The following NRG1 variants were observed in gnomAD, a reference collection of about 807,000 sequenced individuals.
NRG1 encodes the protein pro-neuregulin-1, membrane-bound isoform.
In NRG1, 18 loss-of-function variants were observed where a neutral mutation model predicts 63.8. That is an observed-to-expected ratio of 0.28 (90% CI 0.19 to 0.42). The LOEUF is 0.42. Ranked by LOEUF, NRG1 falls within the 10% of genes least tolerant of loss-of-function variation. The pLI, the probability that NRG1 is intolerant of heterozygous loss-of-function variation, is 1.00. For missense variants in NRG1, 762 were observed against 814.7 expected (o/e 0.94, Z 0.79); for synonymous variants, 302 against 301.3 (o/e 1.00, Z -0.02).
At chr8:32,623,606 G>A (rs1043113267) in intron 5 of NRG1, among the ~76,000 whole-genome samples, 10 of 152,144 alleles carry the variant, frequency 6.6e-5, no homozygotes, top group African/African-American at 2.4e-4. Flanking sequence ...TTGGTTGGCT[G>A]GAGAGTTACT....
At chr8:32,382,434 A>G (rs975330467) in intron 1 of NRG1, among the ~76,000 whole-genome samples, 1 of 152,282 alleles carries the variant, frequency 6.6e-6, no homozygotes, top group Non-Finnish European at 1.5e-5. Context: ...TCTTGTAGCT[A>G]TATGTGTTTG....
At chr8:32,138,721 C>T (rs767831859) in intron 1 of NRG1, among the ~76,000 whole-genome samples, 5 of 152,044 alleles carry the variant, frequency 3.3e-5, no homozygotes, top group African/African-American at 4.8e-5. Flanking sequence ...CACCACCAAG[C>T]GCAGCTAACT....
intron 1 of NRG1, among the ~76,000 whole-genome samples, chr8:31,807,002 C>T (rs1822349260): frequency 6.6e-6 from 1 of 152,252 alleles, no homozygotes; most frequent in Middle Eastern, 3.4e-3. Flanking sequence ...AACCTTGGGT[C>T]GTATCTCCAA....
At chr8:31,980,061 A>T (rs1231388060) in intron 1 of NRG1, among the ~76,000 whole-genome samples, 2 of 152,086 alleles carry the variant, frequency 1.3e-5, no homozygotes, top group African/African-American at 4.8e-5. Flanking sequence ...TGTTTTATGT[A>T]TGAGGAAATG....
chr8:32,041,300 T>A (rs1026884360), intron 1 of NRG1, among the ~76,000 whole-genome samples: 2 of 152,192 alleles, frequency 1.3e-5, no homozygotes, highest in Non-Finnish European at 2.9e-5. Flanking sequence ...GTATTTACCC[T>A]GTTCAAAAAG....
chr8:32,265,778 G>A (rs1850866645), intron 1 of NRG1, among the ~76,000 whole-genome samples: 1 of 152,094 alleles, frequency 6.6e-6, no homozygotes, highest in South Asian at 2.1e-4. Flanking sequence ...AGGAGGTGGA[G>A]GCTATAGTGA....
At chr8:32,109,944 T>C (rs1831786670) in intron 1 of NRG1, among the ~76,000 whole-genome samples, 1 of 152,172 alleles carries the variant, frequency 6.6e-6, no homozygotes, top group African/African-American at 2.4e-5. Context: ...TTTCTAGTTA[T>C]GGCACTTTAG....
intron 1 of NRG1, among the ~76,000 whole-genome samples, chr8:31,868,139 AT>A (rs1829131975): frequency 7.8e-6 from 1 of 128,608 alleles, no homozygotes. Context: ...ACACACACAC[AT>A]ACATCTTACA....
At chr8:32,426,084 A>T (rs1435908678) in intron 1 of NRG1, among the ~76,000 whole-genome samples, 1 of 152,216 alleles carries the variant, frequency 6.6e-6, no homozygotes, top group African/African-American at 2.4e-5. Context: ...AAGTAAGAGC[A>T]ATCAGAATTG....
intron 1 of NRG1, among the ~76,000 whole-genome samples, chr8:31,921,424 C>A (rs769012930): frequency 6.6e-6 from 1 of 151,928 alleles, no homozygotes; most frequent in East Asian, 1.9e-4. Context: ...TGTGGTAAAA[C>A]CCTCAAGGGA....
intron 1 of NRG1, among the ~76,000 whole-genome samples, chr8:32,495,588 G>A (rs781463011): frequency 1.2e-4 from 18 of 151,904 alleles, no homozygotes; most frequent in Non-Finnish European, 2.5e-4. Flanking sequence ...TCACCCTCCC[G>A]AGCAGCTGGG....
chr8:32,726,192 AAAAT>A (rs1218375874), intron 5 of NRG1, among the ~76,000 whole-genome samples: 1 of 152,192 alleles, frequency 6.6e-6, no homozygotes, highest in Non-Finnish European at 1.5e-5. Context: ...CTCCTTTAAA[AAAAT>A]AAATAAATAG....
intron 1 of NRG1, among the ~76,000 whole-genome samples, chr8:32,086,886 G>A (rs1479920421): frequency 6.6e-6 from 1 of 152,124 alleles, no homozygotes; most frequent in African/African-American, 2.4e-5. Flanking sequence ...CATTATTATA[G>A]TAAGAACATT....
intron 1 of NRG1, among the ~76,000 whole-genome samples, chr8:32,165,351 C>G (rs1450903352): frequency 6.6e-6 from 1 of 152,028 alleles, no homozygotes; most frequent in African/African-American, 2.4e-5. Context: ...ACTATGTTTA[C>G]CAGGCTGGTG....
intron 5 of NRG1, among the ~76,000 whole-genome samples, chr8:32,636,567 G>A (rs1851376031): frequency 6.6e-6 from 1 of 152,108 alleles, no homozygotes; most frequent in Non-Finnish European, 1.5e-5. Context: ...AACAGAATAA[G>A]CTTAGCATCT....
At chr8:32,549,241 A>G (rs112878472) in intron 1 of NRG1, among the ~76,000 whole-genome samples, 90 of 152,334 alleles carry the variant, frequency 5.9e-4, no homozygotes, top group African/African-American at 2.2e-3. Flanking sequence ...CTAGCGGGAA[A>G]CGCTGGAATG....
At chr8:32,428,897 T>TTTTG (rs556628262) in intron 1 of NRG1, among the ~76,000 whole-genome samples, 2,329 of 152,204 alleles carry the variant, frequency 0.015, 51 homozygotes, top group African/African-American at 0.053. Context: ...CCAGGTAGGT[T>TTTTG]TTTGTTTGTT....
At chr8:32,025,526 C>T (rs1817113177) in intron 1 of NRG1, among the ~76,000 whole-genome samples, 1 of 152,016 alleles carries the variant, frequency 6.6e-6, no homozygotes, top group Admixed American at 6.6e-5. Flanking sequence ...GAACTATTGA[C>T]CTCAAATAAA....
chr8:31,939,341 T>C (rs1175995693), intron 1 of NRG1, among the ~76,000 whole-genome samples: 1 of 152,100 alleles, frequency 6.6e-6, no homozygotes, highest in Non-Finnish European at 1.5e-5. Context: ...AGATACAGTG[T>C]CTACCAGGCA....
Sources: gnomAD v4.1 joint callset for allele counts (sites outside exome capture counted in the v4.1 genomes callset) on GRCh38, gnomAD v4.1.1 for gene constraint, MANE v1.5 for transcripts, NCBI Gene and HGNC (gene_info 2026-07-23, HGNC 2026-07-21) for gene names.